FKBP3: variants seen among roughly 807,000 people sequenced by gnomAD.
The protein encoded by FKBP3 is peptidyl-prolyl cis-trans isomerase FKBP3.
A neutral mutation model predicts 30.6 loss-of-function variants in FKBP3; 21 were observed. That is an observed-to-expected ratio of 0.69 (90% CI 0.49 to 0.99). The LOEUF (loss-of-function observed/expected upper bound fraction) is 0.99. Among genes scored for constraint, FKBP3 ranks in the 50% least tolerant of loss-of-function variants. The probability of loss-of-function intolerance (pLI) is 0.00; values close to 1 mark genes in which losing one functional copy is unlikely to be tolerated. For synonymous variants in FKBP3, 82 were observed against 91.3 expected (o/e 0.90, Z 0.58); for missense variants, 283 against 261.6 (o/e 1.08, Z -0.56).
chr14:45,116,746 C>G (rs1884850935), intron 6 of FKBP3, among the ~76,000 whole-genome samples: 1 of 151,780 alleles, frequency 6.6e-6, no homozygotes, highest in Admixed American at 6.6e-5. Context: ...GTTCCAGCTA[C>G]CAGGGAGGGT....
chr14:45,130,469 G>T (rs1022705493), intron 2 of FKBP3, among the ~76,000 whole-genome samples: 1 of 152,190 alleles, frequency 6.6e-6, no homozygotes, highest in African/African-American at 2.4e-5. Context: ...AGAATTTGTT[G>T]TCTCAATTTA....
At chr14:45,131,584 G>A (rs569267713) in intron 1 of FKBP3, among the ~76,000 whole-genome samples, 31 of 134,948 alleles carry the variant, frequency 2.3e-4, no homozygotes, top group African/African-American at 3.6e-4. Flanking sequence ...AGCCGAGATC[G>A]CACCACTGCA....
chr14:45,133,353 G>C (rs1374809106), intron 1 of FKBP3: 3 of 292,636 alleles, frequency 1.0e-5, no homozygotes, highest in Non-Finnish European at 2.2e-5. Context: ...TGTAGTCCTA[G>C]CTACTCGAGA....
At chr14:45,128,449 G>A (rs1885147354) in intron 3 of FKBP3, among the ~76,000 whole-genome samples, 1 of 152,236 alleles carries the variant, frequency 6.6e-6, no homozygotes, top group African/African-American at 2.4e-5. Flanking sequence ...GCAAAGGATA[G>A]TATAAATGTT....
At chr14:45,121,990 C>T (rs1368423538) in intron 3 of FKBP3, among the ~76,000 whole-genome samples, 1 of 152,086 alleles carries the variant, frequency 6.6e-6, no homozygotes, top group Non-Finnish European at 1.5e-5. Context: ...GACTTCCCCC[C>T]CACAAAGATT....
At chr14:45,117,692 G>GT (rs1242114230) in intron 6 of FKBP3, among the ~76,000 whole-genome samples, 2 of 152,132 alleles carry the variant, frequency 1.3e-5, no homozygotes, top group Admixed American at 6.5e-5. Context: ...TTGCATCGTA[G>GT]TTTGCTACAG....
At chr14:45,121,738 T>A in intron 3 of FKBP3, 118 bp from the exon 4 acceptor site, 1 of 1,164,750 alleles carries the variant, frequency 8.6e-7, no homozygotes, top group Admixed American at 2.3e-5. Context: ...GATTTGGTAA[T>A]AAATAAACAA....
intron 1 of FKBP3, among the ~76,000 whole-genome samples, chr14:45,133,876 A>T (rs772076772): frequency 1.8e-4 from 28 of 152,250 alleles, no homozygotes; most frequent in Non-Finnish European, 3.5e-4. Context: ...GATTTTTTAA[A>T]AATCACACGC....
intron 6 of FKBP3, 180 bp from the exon 7 acceptor site, chr14:45,116,432 A>C (rs1884836314): frequency 3.8e-6 from 2 of 521,814 alleles, no homozygotes; most frequent in East Asian, 2.9e-5. Flanking sequence ...AAGACTATTA[A>C]GTACTCCAAA....
intron 1 of FKBP3, among the ~76,000 whole-genome samples, chr14:45,132,678 G>A (rs149593887): frequency 2.0e-5 from 3 of 151,984 alleles, no homozygotes; most frequent in Non-Finnish European, 4.4e-5. Flanking sequence ...CTCGTGATCC[G>A]CCCGCTTTGG....
intron 6 of FKBP3, among the ~76,000 whole-genome samples, chr14:45,117,688 C>T (rs977200209): frequency 2.6e-5 from 4 of 152,134 alleles, no homozygotes; most frequent in Admixed American, 6.6e-5. Flanking sequence ...ATATTTGCAT[C>T]GTAGTTTGCT....
chr14:45,124,655 C>T (rs1322698323), intron 3 of FKBP3, among the ~76,000 whole-genome samples: 3 of 151,640 alleles, frequency 2.0e-5, no homozygotes, highest in Non-Finnish European at 2.9e-5. Flanking sequence ...AGTGTGATCA[C>T]GGCTCACTTA....
intron 3 of FKBP3, among the ~76,000 whole-genome samples, chr14:45,123,388 C>T (rs865852054): frequency 3.3e-5 from 5 of 151,584 alleles, no homozygotes; most frequent in Non-Finnish European, 5.9e-5. Flanking sequence ...TTAAAGTGTC[C>T]GCCTAAGAAA....
chr14:45,118,708 T>G (rs1164355150), intron 5 of FKBP3, among the ~76,000 whole-genome samples: 3 of 152,152 alleles, frequency 2.0e-5, no homozygotes, highest in East Asian at 3.8e-4. Context: ...CAGTTAGTTA[T>G]TAGCACCATC....
intron 5 of FKBP3, 41 bp downstream of exon 5, chr14:45,120,846 A>G: frequency 2.7e-6 from 4 of 1,493,128 alleles, no homozygotes; most frequent in Non-Finnish European, 3.7e-6. Flanking sequence ...GAAGCAGCAT[A>G]TGCCAGAATA....
intron 1 of FKBP3, chr14:45,133,363 A>G: frequency 3.6e-6 from 1 of 277,118 alleles, no homozygotes; most frequent in Middle Eastern, 4.4e-4. Flanking sequence ...GCTACTCGAG[A>G]GGCAGAGGCA....
rs532624201 is a variant in FKBP3 at position 45,131,522 on chromosome 14, G to C, written c.109-722C>G. Among the ~76,000 whole-genome samples the C allele has an allele frequency of 4.6e-5, 7 of 151,484 alleles. No homozygotes were observed. In the South Asian group the frequency reaches 1.3e-3, roughly 27 times the overall value. On this transcript the variant is annotated intron_variant, in intron 1 of 6. Transcript: ENST00000396062. Reference sequence around the variant, plus strand: ...TGGCGCATGCCTGTAGTCCCAGCTCGGGAGGCTGAAGCAGGAGAATGGCGT... The same window carrying C: ...TGGCGCATGCCTGTAGTCCCAGCTCCGGAGGCTGAAGCAGGAGAATGGCGT...
chr14:45,120,737 C>T (rs1884967089), intron 5 of FKBP3, 150 bp downstream of exon 5: 2 of 634,478 alleles, frequency 3.2e-6, no homozygotes, highest in Non-Finnish European at 5.5e-6. Flanking sequence ...ATAACTTGTG[C>T]AAGATCAGCT....
rs922621076 is a variant in FKBP3, at chr14:45,123,831, G to A, written c.319-2211C>T. On this transcript the variant is annotated intron_variant, in intron 3 of 6. Transcript: ENST00000396062. ...GACGGGGTTTCACCATGTTAGCCAG[G>A]ATGGTCTCCATCTCCTGACCTCGTG... Among the ~76,000 whole-genome samples, 14 of 151,506 alleles carry A rather than the reference G, an allele frequency of 9.2e-5. 1 individual carries two copies. The highest frequency in any genetic ancestry group is 6.6e-4 in the Admixed American group (10 of 15,208).
Sources: allele counts gnomAD v4.1 joint callset (sites outside exome capture counted in the v4.1 genomes callset), GRCh38; gene constraint gnomAD v4.1.1; transcripts MANE v1.5; gene names NCBI Gene and HGNC (gene_info 2026-07-23, HGNC 2026-07-21).